Variants in PIGN observed in about 807,000 individuals in gnomAD.
PIGN encodes the protein phosphatidylinositol glycan anchor biosynthesis class N.
In PIGN, 117 loss-of-function variants were observed where a neutral mutation model predicts 125.4. That is an observed-to-expected ratio of 0.93 (90% CI 0.80 to 1.09). The LOEUF is 1.09. PIGN is among the 50% of genes least tolerant of loss of function. The pLI is 0.00. For synonymous variants in PIGN, 392 were observed against 377.8 expected, an observed-to-expected ratio of 1.04 and a Z score of -0.44; for missense variants, 1,075 against 1,094.9, an observed-to-expected ratio of 0.98 and a Z score of 0.26.
chr18:62,159,603 A>C (rs1430130096), intron 4 of PIGN, among the ~76,000 whole-genome samples: 1 of 151,794 alleles, frequency 6.6e-6, no homozygotes, highest in Non-Finnish European at 1.5e-5. Context: ...TATTGACTTG[A>C]GTCTCTCTTT....
At chr18:62,133,349 T>A (rs554559646) in intron 14 of PIGN, among the ~76,000 whole-genome samples, 1 of 152,200 alleles carries the variant, frequency 6.6e-6, no homozygotes, top group Non-Finnish European at 1.5e-5. Context: ...TAAATCTATA[T>A]GTTTGGCCTG....
intron 23 of PIGN, among the ~76,000 whole-genome samples, chr18:62,091,987 C>G (rs557254746): frequency 6.6e-6 from 1 of 152,082 alleles, no homozygotes; most frequent in African/African-American, 2.4e-5. Flanking sequence ...CTACAGCATA[C>G]GCCACTATTT....
At chr18:62,168,686 C>T (rs1334373046) in intron 1 of PIGN, among the ~76,000 whole-genome samples, 1 of 151,942 alleles carries the variant, frequency 6.6e-6, no homozygotes. Context: ...TGAAGTGATC[C>T]AATAATGTTC....
At chr18:62,156,405 T>C (rs1166366088) in intron 6 of PIGN, among the ~76,000 whole-genome samples, 1 of 152,170 alleles carries the variant, frequency 6.6e-6, no homozygotes, top group Non-Finnish European at 1.5e-5. Flanking sequence ...CATGGCTCAC[T>C]GCAGCCTCAA....
chr18:62,062,023 C>T (rs1445291885), intron 30 of PIGN, among the ~76,000 whole-genome samples: 1 of 152,148 alleles, frequency 6.6e-6, no homozygotes, highest in African/African-American at 2.4e-5. Context: ...ACATGGTTCA[C>T]AGAGGCACTA....
intron 29 of PIGN, among the ~76,000 whole-genome samples, chr18:62,073,568 A>G (rs1213272010): frequency 3.3e-5 from 5 of 152,206 alleles, no homozygotes; most frequent in African/African-American, 9.6e-5. Context: ...CAGAATTTCA[A>G]TCCTCTTCTA....
intron 14 of PIGN, among the ~76,000 whole-genome samples, chr18:62,124,556 T>G (rs2035429376): frequency 6.6e-6 from 1 of 152,156 alleles, no homozygotes; most frequent in Non-Finnish European, 1.5e-5. Flanking sequence ...CTGTGAATGA[T>G]ATGCGTAAAA....
chr18:62,107,675 CTTAGT>C, intron 17 of PIGN: 1 of 152,028 alleles, frequency 6.6e-6, no homozygotes. Context: ...CTTGTTTGAT[CTTAGT>C]TTAAACACGG....
At chr18:62,142,386 TATGA>T (rs1438511834) in intron 11 of PIGN, among the ~76,000 whole-genome samples, 2 of 152,262 alleles carry the variant, frequency 1.3e-5, no homozygotes. Flanking sequence ...CTGGTCTGGC[TATGA>T]ATAAGGGATG....
intron 2 of PIGN, among the ~76,000 whole-genome samples, chr18:62,163,051 T>G (rs1259944897): frequency 6.6e-6 from 1 of 152,154 alleles, no homozygotes; most frequent in Non-Finnish European, 1.5e-5. Context: ...TACCCAAATC[T>G]GAAAGTTCTG....
chr18:62,048,043 A>C (rs2030882209), intron 30 of PIGN, among the ~76,000 whole-genome samples: 1 of 152,230 alleles, frequency 6.6e-6, no homozygotes, highest in East Asian at 1.9e-4. Flanking sequence ...CTAGAACTAA[A>C]AAATGCAATA....
chr18:62,113,182 G>A lies in PIGN; in HGVS notation c.1386C>T (p.Ile462=). The A allele has an allele frequency of 6.2e-7, 1 of 1,612,258 alleles. No individual in the cohort carries two copies. The highest frequency in any genetic ancestry group is 8.5e-7 in the Non-Finnish European group (1 of 1,179,034). The change falls in exon 16 of 31, where the codon ATC becomes ATT. Residue 462 remains isoleucine (I), a synonymous_variant. Coordinates refer to ENST00000640252, the MANE Select transcript of PIGN (RefSeq NM_176787.5). The part of the protein sequence containing the change: ...VGWISYASLL[I]IKSHSNLIKG... ...TTATAAGGTTGGAATGAGACTTGATGATCAACAAAGAGGCATAAGATATCC... is the reference window on the plus strand; with the variant it reads ...TTATAAGGTTGGAATGAGACTTGATAATCAACAAAGAGGCATAAGATATCC...
intron 7 of PIGN, among the ~76,000 whole-genome samples, chr18:62,153,188 TA>T (rs1368053888): frequency 3.9e-5 from 6 of 152,336 alleles, no homozygotes; most frequent in Non-Finnish European, 7.4e-5. Context: ...GCTCAGAGAT[TA>T]TCTCAAACCT....
chr18:62,157,862 C>T (rs8084480), intron 4 of PIGN, 54 bp from the exon 5 acceptor site: 1 of 1,486,348 alleles, frequency 6.7e-7, no homozygotes, highest in Non-Finnish European at 9.2e-7. Context: ...GATACTCTCA[C>T]ATAAAGCTTT....
intron 11 of PIGN, among the ~76,000 whole-genome samples, 164 bp downstream of exon 11, chr18:62,143,142 T>C (rs1400212881): frequency 6.6e-6 from 1 of 152,200 alleles, no homozygotes; most frequent in African/African-American, 2.4e-5. Context: ...ACAAGAGAGA[T>C]TAGCTGGGCT....
At chr18:62,073,002 C>T (rs1171713437) in intron 29 of PIGN, among the ~76,000 whole-genome samples, 1 of 152,190 alleles carries the variant, frequency 6.6e-6, no homozygotes, top group South Asian at 2.1e-4. Flanking sequence ...ATAAAAAAAA[C>T]TAGATAATAC....
intron 22 of PIGN, among the ~76,000 whole-genome samples, chr18:62,096,851 G>T (rs1412154778): frequency 6.8e-6 from 1 of 146,536 alleles, no homozygotes; most frequent in Non-Finnish European, 1.5e-5. Flanking sequence ...TCCCTACAAA[G>T]GATATGAACT....
downstream of PIGN, among the ~76,000 whole-genome samples, chr18:62,037,769 C>T (rs547603715): frequency 3.9e-5 from 6 of 152,262 alleles, no homozygotes; most frequent in East Asian, 1.9e-4. Flanking sequence ...TGAAGAAAAA[C>T]CAAACTTGAG....
intron 30 of PIGN, among the ~76,000 whole-genome samples, chr18:62,071,112 A>G (rs1253805843): frequency 6.6e-6 from 1 of 152,180 alleles, no homozygotes; most frequent in Non-Finnish European, 1.5e-5. Context: ...CCTGACCTCA[A>G]ATTACACTTT....
Sources: gnomAD v4.1 joint callset for allele counts (sites outside exome capture counted in the v4.1 genomes callset) on GRCh38, gnomAD v4.1.1 for gene constraint, MANE v1.5 for transcripts, NCBI Gene and HGNC (gene_info 2026-07-23, HGNC 2026-07-21) for gene names.